The following JADE3 variants were observed in gnomAD, a reference collection of about 807,000 sequenced individuals.
JADE3 encodes jade family PHD finger 3.
A neutral mutation model predicts 50.1 loss-of-function variants in JADE3; 2 were observed. The ratio of observed to expected loss-of-function variants is 0.04; its 90% CI spans 0.02 to 0.13. The LOEUF (loss-of-function observed/expected upper bound fraction) is 0.13, where lower values mean the gene tolerates loss of function less well. Among genes scored for constraint, JADE3 ranks in the 10% least tolerant of loss-of-function variants. The pLI is 1.00. For missense variants in JADE3, 475 were observed against 634.4 expected (o/e 0.75, Z 2.70); for synonymous variants, 218 against 232.9 (o/e 0.94, Z 0.58).
chrX:46,974,948 T>G (rs886840292), intron 1 of JADE3, among the ~76,000 whole-genome samples: 1 of 112,372 alleles, frequency 8.9e-6, no homozygotes. Context: ...CTGTGCCTTG[T>G]AGGATGTTTA....
chrX:46,993,525 C>T (rs1180535360), intron 3 of JADE3, among the ~76,000 whole-genome samples: 6 of 111,634 alleles, frequency 5.4e-5, no homozygotes, highest in Non-Finnish European at 9.4e-5. Context: ...CCCCCTTCTC[C>T]GTTATACCTC....
At chrX:47,039,143 C>A in intron 8 of JADE3, 78 bp downstream of exon 8, 1 of 513,451 alleles carries the variant, frequency 1.9e-6, no homozygotes, top group South Asian at 3.1e-5. Context: ...AGTGTCCTGT[C>A]GACTGAAAGG....
chrX:47,004,775 A>G (rs1928372229), intron 4 of JADE3, among the ~76,000 whole-genome samples: 1 of 112,220 alleles, frequency 8.9e-6, no homozygotes. Context: ...CCCTGTAACT[A>G]TTTCATGTTG....
intron 4 of JADE3, among the ~76,000 whole-genome samples, chrX:47,013,645 T>TA (rs1928610768): frequency 1.8e-5 from 2 of 111,007 alleles, no homozygotes; most frequent in African/African-American, 6.5e-5. Flanking sequence ...TGGGTACCCT[T>TA]AAAGATTTTT....
At chrX:46,953,635 T>G (rs1285454535) in intron 1 of JADE3, among the ~76,000 whole-genome samples, 17 of 111,978 alleles carry the variant, frequency 1.5e-4, no homozygotes, top group African/African-American at 4.9e-4. Context: ...TAGTTTCAGA[T>G]ATGTAGTGTT....
At chrX:47,013,495 T>C (rs1556362216) in intron 4 of JADE3, among the ~76,000 whole-genome samples, 3 of 112,186 alleles carry the variant, frequency 2.7e-5, no homozygotes, top group African/African-American at 9.7e-5. Context: ...AAACTTCATT[T>C]CTCAACGTAA....
rs1284830402 is a variant in JADE3 at position 47,060,535 on chromosome X, C to T, written c.*1458C>T. 1 of 111,912 alleles carries T rather than the reference C, an allele frequency of 8.9e-6. No individual in the cohort carries two copies. Among genetic ancestry groups the T allele is most frequent in the Non-Finnish European group, 1.9e-5 (1 of 53,175 alleles). The allele number at this position is 111,912 out of a possible 1,213,427, so 9.2% of individuals were successfully genotyped here. ...AAAACTCAGCAGTTTTCCTCTCCCC[C>T]AGTTGTGTTCTTGTAACGTTGTTAA... On this transcript the variant is annotated 3_prime_UTR_variant, in exon 11 of 11. Coordinates refer to ENST00000614628, the MANE Select transcript of JADE3 (RefSeq NM_014735.5).
At position 47,028,066 on chromosome X, in the gene JADE3, T is replaced by C; in HGVS notation, c.650T>C (p.Met217Thr). ...RSPDSEEGND[M>T]VFCDKCNVCV... ...CCAGACAGTGAAGAAGGGAATGATA[T>C]GGTGTTCTGTGATAAGTGTAACGTC... The change falls in exon 6 of 11, where the codon ATG becomes ACG. Residue 217 changes from methionine to threonine, a missense_variant. By Grantham distance (81) the Met-to-Thr change is moderately conservative. This residue lies in a region of JADE3 where 54 missense variants were observed against 156.2 expected (regional missense o/e 0.35). Transcript: ENST00000614628. 8.3e-7 allele frequency: 1 copy of C among 1,208,207 alleles called. No homozygotes were observed. The highest frequency in any genetic ancestry group is 1.1e-6 in the Non-Finnish European group (1 of 892,555).
intron 1 of JADE3, among the ~76,000 whole-genome samples, chrX:46,980,274 G>A (rs183728083): frequency 9.0e-6 from 1 of 111,421 alleles, no homozygotes; most frequent in East Asian, 2.8e-4. Flanking sequence ...TGTCAGATAT[G>A]TGTTTTATAA....
intron 6 of JADE3, among the ~76,000 whole-genome samples, chrX:47,031,381 G>A (rs1298861515): frequency 1.8e-5 from 2 of 111,457 alleles, no homozygotes; most frequent in African/African-American, 6.5e-5. Flanking sequence ...TTCAGTTCTT[G>A]AGCTAAATAC....
At chrX:46,956,013 AT>A (rs1927105894) in intron 1 of JADE3, among the ~76,000 whole-genome samples, 1 of 111,232 alleles carries the variant, frequency 9.0e-6, no homozygotes, top group East Asian at 2.8e-4. Flanking sequence ...AAAGCTATCT[AT>A]TTTCCTACTT....
At chrX:46,962,457 C>G (rs1204645608) in intron 1 of JADE3, among the ~76,000 whole-genome samples, 2 of 111,413 alleles carry the variant, frequency 1.8e-5, no homozygotes, top group Non-Finnish European at 3.8e-5. Context: ...CAGATCTGAT[C>G]TAGAAATTTG....
chrX:46,915,633 G>C (rs1175970441), intron 1 of JADE3, among the ~76,000 whole-genome samples: 3 of 111,058 alleles, frequency 2.7e-5, no homozygotes, highest in Non-Finnish European at 3.8e-5. Flanking sequence ...TGAGTTTTCT[G>C]ATTTCTGGAA....
At chrX:47,051,626 G>A (rs1929508788) in intron 8 of JADE3, among the ~76,000 whole-genome samples, 2 of 109,558 alleles carry the variant, frequency 1.8e-5, no homozygotes, top group East Asian at 2.9e-4. Context: ...GTGAAACCCC[G>A]TCTCTACTAT....
At chrX:47,051,414 A>C (rs1394863295) in intron 8 of JADE3, among the ~76,000 whole-genome samples, 2 of 112,097 alleles carry the variant, frequency 1.8e-5, no homozygotes, top group African/African-American at 3.2e-5. Flanking sequence ...AACCATAAGA[A>C]TTCCCAATAT....
At chrX:47,009,982 A>G (rs1284389474) in intron 4 of JADE3, among the ~76,000 whole-genome samples, 1 of 110,554 alleles carries the variant, frequency 9.0e-6, no homozygotes, top group South Asian at 3.7e-4. Context: ...TCTCAAAAAA[A>G]AAAAAGATTT....
At chrX:47,022,165 G>A (rs895111761) in intron 4 of JADE3, among the ~76,000 whole-genome samples, 4 of 111,978 alleles carry the variant, frequency 3.6e-5, no homozygotes, top group African/African-American at 1.3e-4. Flanking sequence ...GATAACTCTT[G>A]ACAAAAAATT....
In JADE3 at chrX:47,059,731, A is replaced by G. The variant is rs1240251855; in HGVS notation, c.*654A>G. The G allele has an allele frequency of 1.8e-5, 2 of 112,039 alleles. No homozygotes were observed. Among genetic ancestry groups the G allele is most frequent in the African/African-American group, 6.5e-5 (2 of 30,785 alleles). 9.2% of individuals were successfully genotyped at this position (112,039 alleles called of 1,213,427 possible). ...CACTCATAACTATTTCACCTGACTG[A>G]CAAGCATAAAAGGCTAACTTGTGGA... On this transcript the variant is annotated 3_prime_UTR_variant, in exon 11 of 11. Transcript: ENST00000614628.
At chrX:47,024,703 G>T (rs782682384) in intron 4 of JADE3, 21 bp from the exon 5 acceptor site, 1 of 1,075,815 alleles carries the variant, frequency 9.3e-7, no homozygotes, top group Non-Finnish European at 1.3e-6. Flanking sequence ...TGTTATCATT[G>T]TCTTTCTGTT....
Sources: gnomAD v4.1 joint callset for allele counts (sites outside exome capture counted in the v4.1 genomes callset) on GRCh38, gnomAD v4.1.1 for gene constraint, gnomAD v4.1.1 regional missense constraint, MANE v1.5 for transcripts, NCBI Gene and HGNC (gene_info 2026-07-23, HGNC 2026-07-21) for gene names.